The following EVI2A variants were observed in gnomAD, a reference collection of about 807,000 sequenced individuals.
EVI2A encodes ecotropic viral integration site 2A.
In EVI2A, 11 loss-of-function variants were observed where a neutral mutation model predicts 13.0. The ratio of observed to expected loss-of-function variants is 0.85; its 90% CI spans 0.53 to 1.40. EVI2A has a LOEUF of 1.40. Among genes scored for constraint, EVI2A ranks in the 40% most tolerant of loss-of-function variants. The pLI is 0.00. For missense variants in EVI2A, 267 were observed against 279.5 expected, an observed-to-expected ratio of 0.96 and a Z score of 0.32; for synonymous variants, 89 against 98.0, an observed-to-expected ratio of 0.91 and a Z score of 0.54.
rs1408663584 is a variant in EVI2A at position 31,316,520 on chromosome 17, T to A, written c.*1783A>T. 2.6e-5 allele frequency among the ~76,000 whole-genome samples: 4 copies of A among 152,196 alleles called. No homozygotes were observed. Among genetic ancestry groups the A allele is most frequent in the African/African-American group, 9.7e-5 (4 of 41,442 alleles). ...GTAATTTCCTATTTTTATGATGATA[T>A]TAATTTCTTTTAATTTTCTCTGACA... is the stretch of plus-strand genomic sequence containing the variant. On this transcript the variant is annotated 3_prime_UTR_variant, in exon 2 of 2. Transcript: ENST00000462804.
chr17:31,319,015 C>G lies in EVI2A; in HGVS notation c.-2G>C, dbSNP rs767304756. The G allele has an allele frequency of 3.0e-5, 47 of 1,589,210 alleles. No homozygotes were observed. The highest frequency in any genetic ancestry group is 3.8e-5 in the Non-Finnish European group (44 of 1,172,194). The stretch of plus-strand genomic sequence containing the variant: ...TGTGTGTTCCATGTCCGTGGGCATG[C>G]TTGGCAATCTGTTGGGATAGCAATA... On this transcript the variant is annotated 5_prime_UTR_variant, in exon 2 of 2. Coordinates refer to ENST00000462804, the MANE Select transcript of EVI2A (RefSeq NM_014210.4).
chr17:31,321,398 G>A (rs2069188306), intron 1 of EVI2A, 97 bp downstream of exon 1: 1 of 152,108 alleles, frequency 6.6e-6, no homozygotes, highest in Admixed American at 6.5e-5. Context: ...GTTTGTTAGT[G>A]AGATTCTTAC....
intron 1 of EVI2A, among the ~76,000 whole-genome samples, chr17:31,319,896 A>G (rs1261291915): frequency 1.3e-5 from 2 of 152,158 alleles, no homozygotes; most frequent in Admixed American, 1.3e-4. Flanking sequence ...GTGTAATAAA[A>G]TAGAAATAGA....
At chr17:31,319,165 T>G in intron 1 of EVI2A, 142 bp from the exon 2 acceptor site, 1 of 849,638 alleles carries the variant, frequency 1.2e-6, no homozygotes, top group Non-Finnish European at 1.8e-6. Context: ...GAATTCCTTC[T>G]CAACTAAATT....
rs1330928740 is a variant in EVI2A at position 31,317,951 on chromosome 17, T to A, written c.*352A>T. ...AAGGACACACTAAAACTATTCAAAG[T>A]TTAATTACATTCAGACAAAGATCAT... On this transcript the variant is annotated 3_prime_UTR_variant, in exon 2 of 2. Coordinates refer to ENST00000462804, the MANE Select transcript of EVI2A (RefSeq NM_014210.4). 4.6e-6 allele frequency: 1 copy of A among 215,960 alleles called. No individual in the cohort carries two copies. Among genetic ancestry groups the A allele is most frequent in the African/African-American group, 2.3e-5 (1 of 42,592 alleles). 13.4% of individuals were successfully genotyped at this position (215,960 alleles called of 1,614,324 possible).
chr17:31,317,889 T>A lies in EVI2A; in HGVS notation c.*414A>T, dbSNP rs906431691. 1 of 168,104 alleles carries A rather than the reference T, an allele frequency of 5.9e-6. No individual in the cohort carries two copies. The highest frequency in any genetic ancestry group is 1.3e-5 in the Non-Finnish European group (1 of 78,184). The allele number at this position is 168,104 out of a possible 1,614,324, so 10.4% of individuals were successfully genotyped here. ...TCTCTCTATCTATGCATTAGGAATT[T>A]GACTTCCATTTGATGTTAAAGCATA... is the stretch of plus-strand genomic sequence containing the variant. On this transcript the variant is annotated 3_prime_UTR_variant, in exon 2 of 2. Coordinates refer to ENST00000462804, the MANE Select transcript of EVI2A (RefSeq NM_014210.4).
At position 31,318,582 on chromosome 17, in the gene EVI2A, C is replaced by T; in HGVS notation, c.432G>A (p.Val144=). The T allele has an allele frequency of 6.2e-7, 1 of 1,614,074 alleles. No individual in the cohort carries two copies. Among genetic ancestry groups the T allele is most frequent in the African/African-American group, 1.3e-5 (1 of 75,034 alleles). Residue 144 remains valine, a synonymous_variant, in exon 2 of 2, where the codon GTG becomes GTA. Coordinates refer to ENST00000462804, the MANE Select transcript of EVI2A (RefSeq NM_014210.4). ...AMLICLIIIA[V]LFLICTFLFL... ...ATAGAAAGGTACAGATAAGAAAAAGCACTGCAATTATAATTAAGCAAATTA... is the reference window on the plus strand; with the variant it reads ...ATAGAAAGGTACAGATAAGAAAAAGTACTGCAATTATAATTAAGCAAATTA...
At position 31,318,489 on chromosome 17, in the gene EVI2A, A is replaced by C; in HGVS notation, c.525T>G (p.Arg175=). The C allele has an allele frequency of 6.2e-7, 1 of 1,614,058 alleles. No individual in the cohort carries two copies. The highest frequency in any genetic ancestry group is 8.5e-7 in the Non-Finnish European group (1 of 1,180,014). The part of the protein sequence containing the change: ...SLRRSKQVGK[R]QPRSNGDFLA... Reference sequence around the variant, plus strand: ...GAAAATCGCCATTGCTTCTAGGCTGACGCTTGCCTACTTGTTTTGATCGTC... The same window carrying C: ...GAAAATCGCCATTGCTTCTAGGCTGCCGCTTGCCTACTTGTTTTGATCGTC... The change falls in exon 2 of 2, where the codon CGT becomes CGG. Residue 175 remains arginine, a synonymous_variant. Coordinates refer to ENST00000462804, the MANE Select transcript of EVI2A (RefSeq NM_014210.4).
intron 1 of EVI2A, 113 bp from the exon 2 acceptor site, chr17:31,319,136 G>T: frequency 8.9e-7 from 1 of 1,120,640 alleles, no homozygotes; most frequent in Non-Finnish European, 1.3e-6. Context: ...ACAAGCTTAT[G>T]CCTAATATTC....
At chr17:31,320,502 G>T in intron 1 of EVI2A, 1 of 1,367,588 alleles carries the variant, frequency 7.3e-7, no homozygotes, top group South Asian at 1.2e-5. Context: ...GTCATTGGCT[G>T]ACATTTGTAT....
chr17:31,321,326 C>T (rs113870801), intron 1 of EVI2A, among the ~76,000 whole-genome samples, 169 bp downstream of exon 1: 12 of 152,120 alleles, frequency 7.9e-5, no homozygotes, highest in African/African-American at 2.7e-4. Flanking sequence ...TTTTTCATTT[C>T]TAACTTAAAA....
At position 31,318,569 on chromosome 17, in the gene EVI2A, A is replaced by G. The variant is rs762183305; in HGVS notation, c.445T>C (p.Cys149Arg). 6 of 1,614,130 alleles carry G rather than the reference A, an allele frequency of 3.7e-6. No individual in the cohort carries two copies. The highest frequency in any genetic ancestry group is 5.1e-6 in the Non-Finnish European group (6 of 1,180,008). The change falls in exon 2 of 2, where the codon TGT becomes CGT. Residue 149 changes from cysteine (C) to arginine (R), a missense_variant. Physicochemically the swap from Cys to Arg is radical, Grantham distance 180. Transcript: ENST00000462804. ...LIIIAVLFLI[C>R]TFLFLSTVVL... is the part of the protein sequence containing the mutation. ...ACAGTTGATAGAAATAGAAAGGTACAGATAAGAAAAAGCACTGCAATTATA... is the reference window on the plus strand; with the variant it reads ...ACAGTTGATAGAAATAGAAAGGTACGGATAAGAAAAAGCACTGCAATTATA...
At position 31,319,026 on chromosome 17, in the gene EVI2A, G is replaced by C; in HGVS notation, c.-10-3C>G. 1 of 1,581,266 alleles carries C rather than the reference G, an allele frequency of 6.3e-7. No homozygotes were observed. Among genetic ancestry groups the C allele is most frequent in the Non-Finnish European group, 8.5e-7 (1 of 1,169,688 alleles). On this transcript the variant is annotated splice_region_variant and splice_polypyrimidine_tract_variant and intron_variant, in intron 1 of 1. Coordinates refer to ENST00000462804, the MANE Select transcript of EVI2A (RefSeq NM_014210.4). Reference sequence around the variant, plus strand: ...TGTCCGTGGGCATGCTTGGCAATCTGTTGGGATAGCAATATAATTTGTTAG... The same window carrying C: ...TGTCCGTGGGCATGCTTGGCAATCTCTTGGGATAGCAATATAATTTGTTAG...
chr17:31,318,805 T>C lies in EVI2A; in HGVS notation c.209A>G (p.Tyr70Cys). 1 of 1,614,036 alleles carries C rather than the reference T, an allele frequency of 6.2e-7. No individual in the cohort carries two copies. The highest frequency in any genetic ancestry group is 8.5e-7 in the Non-Finnish European group (1 of 1,179,964). The change falls in exon 2 of 2, where the codon TAT becomes TGT. Residue 70 changes from tyrosine (Y) to cysteine (C), a missense_variant. Tyr to Cys is a radical substitution (Grantham distance 194). Transcript: ENST00000462804. ...NTNPITPEVD[Y>C]KGNSTNMPET... is the part of the protein sequence containing the mutation. ...AGGCATGTTTGTAGAATTACCTTTATAATCTACTTCAGGAGTTATAGGGTT... is the reference window on the plus strand; with the variant it reads ...AGGCATGTTTGTAGAATTACCTTTACAATCTACTTCAGGAGTTATAGGGTT...
chr17:31,318,978 T>C lies in EVI2A; in HGVS notation c.36A>G (p.Leu12=), dbSNP rs554381815. The C allele has an allele frequency of 2.5e-6, 4 of 1,612,280 alleles. No individual in the cohort carries two copies. The highest frequency in any genetic ancestry group is 2.2e-5 in the South Asian group (2 of 91,062). ...PTDMEHTGHY[L]HLAFLMTTVF... ...CTGTTGTCATCAGAAAGGCAAGATG[T>C]AGGTAATGTCCTGTGTGTTCCATGT... The change falls in exon 2 of 2, where the codon CTA becomes CTG. Residue 12 remains leucine (L), a synonymous_variant. Transcript: ENST00000462804.
chr17:31,320,479 A>G (rs201481725), intron 1 of EVI2A: 7 of 1,528,622 alleles, frequency 4.6e-6, no homozygotes, highest in Admixed American at 3.5e-5. Context: ...TTTATAAGAA[A>G]TGGTTGTTAT....
chr17:31,317,969 A>G lies in EVI2A; in HGVS notation c.*334T>C, dbSNP rs933247511. 4.2e-6 allele frequency: 1 copy of G among 240,122 alleles called. No homozygotes were observed. The highest frequency in any genetic ancestry group is 8.1e-6 in the Non-Finnish European group (1 of 123,834). The allele number at this position is 240,122 out of a possible 1,614,324, so 14.9% of individuals were successfully genotyped here. A position where few individuals can be genotyped will look rare whatever the true frequency, so the allele number is the denominator to read the frequency against. The stretch of plus-strand genomic sequence containing the variant: ...TTCAAAGTTTAATTACATTCAGACA[A>G]AGATCATCTAACCACTGTTGCTACA... On this transcript the variant is annotated 3_prime_UTR_variant, in exon 2 of 2. Coordinates refer to ENST00000462804, the MANE Select transcript of EVI2A (RefSeq NM_014210.4).
chr17:31,318,334 GTTCC>G lies in EVI2A; in HGVS notation c.676_679del (p.Gly226LeufsTer9). On this transcript the variant is annotated frameshift_variant, in exon 2 of 2. Coordinates refer to ENST00000462804, the MANE Select transcript of EVI2A (RefSeq NM_014210.4). LOFTEE classifies it high-confidence loss of function. ...TATCTGTTTGTTAGTAAGTTTTTCAGTTCCTTCTTCATCTTTTCTTTCCCTTGTA... is the reference window on the plus strand; with the variant it reads ...TATCTGTTTGTTAGTAAGTTTTTCAGTTCTTCATCTTTTCTTTCCCTTGTA... 6.2e-7 allele frequency: 1 copy of G among 1,609,928 alleles called. No individual in the cohort carries two copies. Among genetic ancestry groups the G allele is most frequent in the South Asian group, 1.1e-5 (1 of 90,162 alleles).
intron 1 of EVI2A, chr17:31,321,004 A>G (rs2069173098): frequency 6.6e-6 from 1 of 152,256 alleles, no homozygotes; most frequent in Admixed American, 6.5e-5. Flanking sequence ...AGCCAGATGT[A>G]CTGCAGTGCC....
Sources: allele counts gnomAD v4.1 joint callset (sites outside exome capture counted in the v4.1 genomes callset), GRCh38; gene constraint gnomAD v4.1.1; transcripts MANE v1.5; gene names NCBI Gene and HGNC (gene_info 2026-07-23, HGNC 2026-07-21).